The following RIMBP2 variants were observed in gnomAD, a reference collection of about 807,000 sequenced individuals.
RIMBP2 encodes the protein RIMS-binding protein 2.
In RIMBP2, 48 loss-of-function variants were observed where a neutral mutation model predicts 118.6. That is an observed-to-expected ratio of 0.40 (90% CI 0.32 to 0.51). The LOEUF is 0.51. RIMBP2 is among the 20% of genes least tolerant of loss of function. The pLI is 0.41. For missense variants in RIMBP2, 1,551 were observed against 1,768.3 expected, an observed-to-expected ratio of 0.88 and a Z score of 2.20; for synonymous variants, 762 against 742.9, an observed-to-expected ratio of 1.03 and a Z score of -0.42.
At chr12:130,547,688 G>A (rs2055316254) in intron 2 of RIMBP2, among the ~76,000 whole-genome samples, 1 of 152,206 alleles carries the variant, frequency 6.6e-6, no homozygotes, top group Non-Finnish European at 1.5e-5. Flanking sequence ...TCAGGACACG[G>A]CTGCATCATT....
intron 12 of RIMBP2, 74 bp from the exon 13 acceptor site, chr12:130,437,365 T>G: frequency 7.8e-7 from 1 of 1,282,690 alleles, no homozygotes; most frequent in Non-Finnish European, 1.1e-6. Flanking sequence ...AGCCGACCAG[T>G]CCTCTGCCCA....
In RIMBP2 at chr12:130,656,757, T is replaced by G. The variant is rs530457521; in HGVS notation, c.-351-28301A>C. Among the ~76,000 whole-genome samples the G allele has an allele frequency of 2.0e-5, 3 of 152,202 alleles. No individual in the cohort carries two copies. The East Asian group carries it at 5.8e-4, about 29-fold the overall frequency. On this transcript the variant is annotated intron_variant, in intron 1 of 22. Transcript: ENST00000690449. Reference sequence around the variant, plus strand: ...ATGTACTAAAAAAAAAAGCAAGATCTCATTAGCCGGGTGTGGTGGTGCACA... The same window carrying G: ...ATGTACTAAAAAAAAAAGCAAGATCGCATTAGCCGGGTGTGGTGGTGCACA...
At position 130,434,685 on chromosome 12, in the gene RIMBP2, C is replaced by A; in HGVS notation, c.2253+49G>T. ...CTCTTGATCTCCACGGGGCCCGCTC[C>A]GAGCCCGCGCCCACCAGGAGGATGG... is the stretch of plus-strand genomic sequence containing the variant. On this transcript the variant is annotated intron_variant, in intron 14 of 22. Transcript: ENST00000690449. The surrounding 1 kb of genome is among the most constrained non-coding windows in gnomAD (Gnocchi z 5.7). The A allele has an allele frequency of 6.4e-7, 1 of 1,572,360 alleles. No individual in the cohort carries two copies. Among genetic ancestry groups the A allele is most frequent in the South Asian group, 1.1e-5 (1 of 87,314 alleles).
In RIMBP2 at chr12:130,399,823, C is replaced by A. The variant is rs1223081409; in HGVS notation, c.3766-10G>T. 1.2e-6 allele frequency: 2 copies of A among 1,613,760 alleles called. No homozygotes were observed. Among genetic ancestry groups the A allele is most frequent in the Middle Eastern group, 1.6e-4 (1 of 6,076 alleles). On this transcript the variant is annotated splice_polypyrimidine_tract_variant and intron_variant, in intron 21 of 22. Transcript: ENST00000690449. ...GCCCATTCAGCTCCCCCTAAAACACCAGGGGTGAGGCAGAAGAACTATTTA... is the reference window on the plus strand; with the variant it reads ...GCCCATTCAGCTCCCCCTAAAACACAAGGGGTGAGGCAGAAGAACTATTTA...
chr12:130,676,622 CAAAAAAAAAAAG>C (rs1566448973), intron 1 of RIMBP2, among the ~76,000 whole-genome samples: 2 of 134,392 alleles, frequency 1.5e-5, no homozygotes, highest in East Asian at 4.2e-4. Context: ...GAGTCTGTCT[CAAAAAAAAAAAG>C]AAAAAAGAAA....
intron 1 of RIMBP2, among the ~76,000 whole-genome samples, chr12:130,645,489 C>T (rs2062823291): frequency 6.6e-6 from 1 of 152,214 alleles, no homozygotes; most frequent in Admixed American, 6.5e-5. Context: ...GGTTAACCAG[C>T]CAGCACCTTC....
At chr12:130,453,640 C>T (rs1405385202) in intron 7 of RIMBP2, among the ~76,000 whole-genome samples, 3 of 152,232 alleles carry the variant, frequency 2.0e-5, no homozygotes, top group African/African-American at 7.2e-5. Flanking sequence ...ACAAGGCCAA[C>T]TCGCAGAAGC....
intron 12 of RIMBP2, among the ~76,000 whole-genome samples, chr12:130,438,064 A>G (rs1486867203): frequency 3.9e-5 from 6 of 152,212 alleles, no homozygotes; most frequent in African/African-American, 1.2e-4. Flanking sequence ...GTTTGTTGAA[A>G]TTAATAAGGC....
intron 2 of RIMBP2, among the ~76,000 whole-genome samples, chr12:130,571,418 T>TTC (rs2057646325): frequency 7.4e-5 from 1 of 13,526 alleles, no homozygotes; most frequent in African/African-American, 1.2e-4. Context: ...ATAGTAACAT[T>TTC]TTTTTTTTTT....
chr12:130,414,050 T>C, intron 18 of RIMBP2, 75 bp downstream of exon 18: 1 of 1,462,728 alleles, frequency 6.8e-7, no homozygotes, highest in Non-Finnish European at 9.5e-7. Flanking sequence ...CGATACCCTG[T>C]TGCCAGTCTC....
At chr12:130,531,758 A>C (rs938142705) in intron 2 of RIMBP2, among the ~76,000 whole-genome samples, 1 of 152,270 alleles carries the variant, frequency 6.6e-6, no homozygotes, top group Non-Finnish European at 1.5e-5. Flanking sequence ...TGTCTTCTAA[A>C]AGCCAAATGG....
Position 130,621,341 on chromosome 12 carries a change from G to A in RIMBP2, c.-217+6981C>T, listed in dbSNP as rs550552007. Among the ~76,000 whole-genome samples the A allele has an allele frequency of 1.1e-4, 17 of 152,284 alleles. No homozygotes were observed. Among genetic ancestry groups the A allele is most frequent in the Admixed American group, 5.2e-4 (8 of 15,292 alleles). On this transcript the variant is annotated intron_variant, in intron 2 of 22. Transcript: ENST00000690449. This position sits in a 1 kb window ranked among gnomAD's most constrained non-coding sequence, Gnocchi z 6.6. The stretch of plus-strand genomic sequence containing the variant: ...TATGATAATACAATGTGGGAACAGC[G>A]CCAGGCCTGTGAACTCCAAGTGCAC...
chr12:130,619,808 G>C lies in RIMBP2; in HGVS notation c.-217+8514C>G, dbSNP rs143359472. On this transcript the variant is annotated intron_variant, in intron 2 of 22. Coordinates refer to ENST00000690449, the MANE Select transcript of RIMBP2 (RefSeq NM_001393629.1). Reference sequence around the variant, plus strand: ...CTGCTGTCTGTGGATATCTATCAGCGGCAAATGCTTCTGTTGCCTGGTTAC... The same window carrying C: ...CTGCTGTCTGTGGATATCTATCAGCCGCAAATGCTTCTGTTGCCTGGTTAC... Among the ~76,000 whole-genome samples the C allele has an allele frequency of 1.8e-3, 275 of 152,244 alleles. 1 individual carries two copies. Among genetic ancestry groups the C allele is most frequent in the African/African-American group, 6.4e-3 (267 of 41,538 alleles).
intron 14 of RIMBP2, among the ~76,000 whole-genome samples, chr12:130,433,045 C>A (rs551706808): frequency 1.3e-5 from 2 of 152,036 alleles, no homozygotes; most frequent in Non-Finnish European, 2.9e-5. Flanking sequence ...GCAAGAAAAC[C>A]CACACTCTTG....
At chr12:130,619,833 C>T (rs148344548) in intron 2 of RIMBP2, among the ~76,000 whole-genome samples, 5 of 152,288 alleles carry the variant, frequency 3.3e-5, no homozygotes, top group Admixed American at 6.5e-5. Flanking sequence ...TGCCTGGTTA[C>T]TCTTGGAGAC....
At chr12:130,656,943 G>A (rs1356761738) in intron 1 of RIMBP2, among the ~76,000 whole-genome samples, 1 of 152,162 alleles carries the variant, frequency 6.6e-6, no homozygotes, top group African/African-American at 2.4e-5. Context: ...TTTCACCCAG[G>A]CAGGAGTGCA....
intron 2 of RIMBP2, among the ~76,000 whole-genome samples, chr12:130,535,716 TAC>T (rs2053957896): frequency 1.3e-5 from 1 of 77,022 alleles, no homozygotes; most frequent in African/African-American, 4.2e-5. Context: ...CATATACATA[TAC>T]ATATATATAC....
rs1056785072 is a variant in RIMBP2 at position 130,710,646 on chromosome 12, C to G, written c.-352+5576G>C. On this transcript the variant is annotated intron_variant, in intron 1 of 22. Coordinates refer to ENST00000690449, the MANE Select transcript of RIMBP2 (RefSeq NM_001393629.1). The surrounding 1 kb of genome is among the most constrained non-coding windows in gnomAD (Gnocchi z 4.3). ...TAGAGAAGTGGCAGGTGCTGCACCT[C>G]CCCCGCCCCAGGCTCAGCACCAACA... is the stretch of plus-strand genomic sequence containing the variant. Among the ~76,000 whole-genome samples, 1 of 152,160 alleles carries G rather than the reference C, an allele frequency of 6.6e-6. No homozygotes were observed. Among genetic ancestry groups the G allele is most frequent in the Non-Finnish European group, 1.5e-5 (1 of 68,026 alleles).
chr12:130,435,065 A>G (rs547182045), intron 13 of RIMBP2, among the ~76,000 whole-genome samples, 185 bp from the exon 14 acceptor site: 2 of 146,880 alleles, frequency 1.4e-5, no homozygotes, highest in South Asian at 2.2e-4. Context: ...TTTTTTTTTG[A>G]GACAGAGTCT....
Sources: allele counts gnomAD v4.1 joint callset (sites outside exome capture counted in the v4.1 genomes callset), GRCh38; gene constraint gnomAD v4.1.1; non-coding constraint Gnocchi (gnomAD v3.1); transcripts MANE v1.5; gene names NCBI Gene and HGNC (gene_info 2026-07-23, HGNC 2026-07-21).